Variants in LRRIQ1 observed in about 807,000 individuals in gnomAD.
The protein encoded by LRRIQ1 is leucine rich repeats and IQ motif containing 1.
In LRRIQ1, 210 loss-of-function variants were observed where a neutral mutation model predicts 211.9. That is an observed-to-expected ratio of 0.99 (90% CI 0.89 to 1.11). The LOEUF (loss-of-function observed/expected upper bound fraction) is 1.11. LRRIQ1 is among the 50% of genes most tolerant of loss of function. The probability of loss-of-function intolerance (pLI) is 0.00; values close to 1 mark genes in which losing one functional copy is unlikely to be tolerated. For missense variants in LRRIQ1, 2,136 were observed against 1,939.5 expected, an observed-to-expected ratio of 1.10 and a Z score of -1.90; for synonymous variants, 699 against 650.1, an observed-to-expected ratio of 1.08 and a Z score of -1.14.
chr12:85,167,327 C>T (rs917488087), intron 24 of LRRIQ1, among the ~76,000 whole-genome samples: 7 of 152,132 alleles, frequency 4.6e-5, no homozygotes, highest in African/African-American at 1.7e-4. Flanking sequence ...TTGACTAACA[C>T]GATCACAGAG....
At chr12:85,241,509 A>G (rs1368780962) in intron 26 of LRRIQ1, among the ~76,000 whole-genome samples, 1 of 151,986 alleles carries the variant, frequency 6.6e-6, no homozygotes, top group Non-Finnish European at 1.5e-5. Flanking sequence ...ATATATTGTA[A>G]TTTTGCCATA....
At chr12:85,132,643 G>A (rs1162832968) in intron 18 of LRRIQ1, among the ~76,000 whole-genome samples, 1 of 151,978 alleles carries the variant, frequency 6.6e-6, no homozygotes, top group Non-Finnish European at 1.5e-5. Context: ...TGTACCTGTA[G>A]TTTCAGCTAC....
intron 24 of LRRIQ1, among the ~76,000 whole-genome samples, chr12:85,227,465 T>A (rs945693403): frequency 6.4e-4 from 97 of 152,312 alleles, no homozygotes; most frequent in African/African-American, 2.3e-3. Context: ...GCTGCATAAA[T>A]GTCTTCTTTT....
chr12:85,100,510 G>C (rs1886270560), intron 13 of LRRIQ1, among the ~76,000 whole-genome samples: 1 of 151,472 alleles, frequency 6.6e-6, no homozygotes, highest in Non-Finnish European at 1.5e-5. Context: ...TTGCTATTTG[G>C]GGGATAAAAA....
At chr12:85,248,240 A>C (rs1175805786), downstream of LRRIQ1, among the ~76,000 whole-genome samples, 1 of 151,542 alleles carries the variant, frequency 6.6e-6, no homozygotes, top group East Asian at 1.9e-4. Context: ...AGCTAACATA[A>C]ATGAAACTCA....
chr12:85,272,122 A>G, the LRRIQ1 span, among the ~76,000 whole-genome samples: 1 of 152,198 alleles, frequency 6.6e-6, no homozygotes, highest in African/African-American at 2.4e-5. Flanking sequence ...GTAGTTAGAG[A>G]TGCCCAAAGA....
chr12:85,206,086 C>A (rs1893530522), intron 24 of LRRIQ1, among the ~76,000 whole-genome samples: 1 of 152,202 alleles, frequency 6.6e-6, no homozygotes. Context: ...GCAGCAAGAT[C>A]CTTGCTCATT....
Position 85,110,310 on chromosome 12 carries a change from A to G in LRRIQ1, c.3377+3695A>G, listed in dbSNP as rs567581434. On this transcript the variant is annotated intron_variant, in intron 15 of 26. Transcript: ENST00000393217. ...TGTAGGCACAGAATTGATAACCATG[A>G]AAAATAATAATGATCAAAACCACTA... Among the ~76,000 whole-genome samples the G allele has an allele frequency of 5.3e-5, 8 of 152,286 alleles. No homozygotes were observed. In the South Asian group the frequency reaches 1.7e-3, roughly 32 times the overall value.
chr12:85,134,303 C>T (rs1012903201), intron 18 of LRRIQ1, among the ~76,000 whole-genome samples: 9 of 152,026 alleles, frequency 5.9e-5, no homozygotes, highest in Non-Finnish European at 1.3e-4. Context: ...CCTTAGGATA[C>T]CCTATTTAAA....
Position 85,055,893 on chromosome 12 carries a change from AAAAG to A in LRRIQ1, c.1103_1106del (p.Lys368IlefsTer3), listed in dbSNP as rs1880973529. ...AGGAGAGAAAAAGAATATGAAGAAA[AAAAG>A]AATATTGTGAAACAGGAAAGAGAGC... On this transcript the variant is annotated frameshift_variant, in exon 8 of 27. Coordinates refer to ENST00000393217, the MANE Select transcript of LRRIQ1 (RefSeq NM_001079910.2). LOFTEE classifies it high-confidence loss of function. 1.3e-6 allele frequency: 2 copies of A among 1,595,132 alleles called. No individual in the cohort carries two copies. The highest frequency in any genetic ancestry group is 1.4e-5 in the African/African-American group (1 of 73,440).
At chr12:85,260,120 C>T (rs1396465493) in intron 1 of LRRIQ1, among the ~76,000 whole-genome samples, 1 of 108,612 alleles carries the variant, frequency 9.2e-6, no homozygotes. Context: ...TGTTACTTTT[C>T]ATGTTGGTTA....
At chr12:85,086,834 TCTC>T (rs1884874129) in intron 11 of LRRIQ1, among the ~76,000 whole-genome samples, 1 of 151,956 alleles carries the variant, frequency 6.6e-6, no homozygotes, top group Non-Finnish European at 1.5e-5. Flanking sequence ...AATGGAAATC[TCTC>T]CTCCTCCTGG....
chr12:85,268,180 T>G (rs377108474), downstream of LRRIQ1, among the ~76,000 whole-genome samples: 3 of 151,992 alleles, frequency 2.0e-5, no homozygotes, highest in African/African-American at 7.2e-5. Context: ...AAAAAAATAC[T>G]TTGAGACCTG....
At chr12:85,086,502 C>T (rs1166699614) in intron 11 of LRRIQ1, among the ~76,000 whole-genome samples, 1 of 152,098 alleles carries the variant, frequency 6.6e-6, no homozygotes, top group Non-Finnish European at 1.5e-5. Flanking sequence ...CTTCCTGAGG[C>T]CTTGCTAGGA....
intron 18 of LRRIQ1, among the ~76,000 whole-genome samples, chr12:85,131,882 G>C (rs535220554): frequency 1.3e-5 from 2 of 152,222 alleles, no homozygotes; most frequent in Non-Finnish European, 2.9e-5. Context: ...ATGTGACTTA[G>C]TCAGAAATAA....
At chr12:85,159,978 T>C (rs952940694) in intron 23 of LRRIQ1, among the ~76,000 whole-genome samples, 12 of 152,028 alleles carry the variant, frequency 7.9e-5, no homozygotes, top group African/African-American at 2.4e-4. Flanking sequence ...AAATCATACT[T>C]AGTAAAGATG....
chr12:85,114,555 T>C (rs1321602112), intron 15 of LRRIQ1, among the ~76,000 whole-genome samples: 2 of 140,950 alleles, frequency 1.4e-5, no homozygotes, highest in Non-Finnish European at 3.1e-5. Flanking sequence ...GGAAAATAAA[T>C]TGACATATTT....
chr12:85,127,464 C>T (rs549674083), intron 17 of LRRIQ1, among the ~76,000 whole-genome samples: 52 of 152,278 alleles, frequency 3.4e-4, no homozygotes, highest in Non-Finnish European at 7.2e-4. Context: ...TTTACCCGCT[C>T]TTGCCAAGTA....
the LRRIQ1 span, among the ~76,000 whole-genome samples, chr12:85,272,371 A>AATT: frequency 6.6e-6 from 1 of 152,180 alleles, no homozygotes; most frequent in Non-Finnish European, 1.5e-5. Flanking sequence ...ATTATTAAGC[A>AATT]ATTCCTAATG....
Sources: gnomAD v4.1 joint callset for allele counts (sites outside exome capture counted in the v4.1 genomes callset) on GRCh38, gnomAD v4.1.1 for gene constraint, MANE v1.5 for transcripts, NCBI Gene and HGNC (gene_info 2026-07-23, HGNC 2026-07-21) for gene names.